TANC1: variants seen among roughly 807,000 people sequenced by gnomAD.
TANC1 encodes protein TANC1.
In TANC1, 77 loss-of-function variants were observed where a neutral mutation model predicts 149.7. The ratio of observed to expected loss-of-function variants is 0.51; its 90% confidence interval spans 0.43 to 0.62. The LOEUF is 0.62. Among genes scored for constraint, TANC1 ranks in the 20% least tolerant of loss-of-function variants. The pLI, the probability that TANC1 is intolerant of heterozygous loss-of-function variation, is 0.00. For synonymous variants in TANC1, 854 were observed against 925.0 expected, an observed-to-expected ratio of 0.92 and a Z score of 1.39; for missense variants, 1,985 against 2,321.8, an observed-to-expected ratio of 0.85 and a Z score of 2.98.
At chr2:159,104,981 CTTTTTTTTT>C (rs146778655) in intron 4 of TANC1, among the ~76,000 whole-genome samples, 4 of 43,340 alleles carry the variant, frequency 9.2e-5, no homozygotes, top group Admixed American at 2.7e-4. Flanking sequence ...TGGATATTTG[CTTTTTTTTT>C]TTTTTTTTTT....
At chr2:159,027,141 G>A (rs1412809152) in intron 2 of TANC1, 1 of 152,014 alleles carries the variant, frequency 6.6e-6, no homozygotes, top group Admixed American at 6.6e-5. Context: ...TGAGGGAAGC[G>A]TCTTTTTCAC....
chr2:159,199,255 A>G (rs866590664), intron 19 of TANC1, among the ~76,000 whole-genome samples: 5 of 152,344 alleles, frequency 3.3e-5, no homozygotes, highest in South Asian at 4.1e-4. Flanking sequence ...TTTTAAAGCA[A>G]TCCTATTAAC....
chr2:159,163,151 A>C (rs2054217742), intron 7 of TANC1, 132 bp from the exon 8 acceptor site: 3 of 881,870 alleles, frequency 3.4e-6, no homozygotes, highest in Non-Finnish European at 5.2e-6. Flanking sequence ...ATTGTATGGA[A>C]CATACTTTGA....
At chr2:159,109,998 T>A (rs1027548523) in intron 4 of TANC1, among the ~76,000 whole-genome samples, 1 of 152,184 alleles carries the variant, frequency 6.6e-6, no homozygotes, top group Admixed American at 6.5e-5. Context: ...TCCATGAAAT[T>A]ATGACAAAGG....
At chr2:159,150,228 A>G (rs2052627801) in intron 6 of TANC1, 142 bp from the exon 7 acceptor site, 11 of 637,228 alleles carry the variant, frequency 1.7e-5, no homozygotes, top group South Asian at 4.1e-5. Context: ...ATCCATATCT[A>G]TACACACATA....
intron 2 of TANC1, chr2:159,056,903 T>C (rs978749442): frequency 7.9e-6 from 2 of 252,094 alleles, no homozygotes; most frequent in East Asian, 8.6e-5. Context: ...ATAGGACATA[T>C]CCGTGAACTA....
chr2:159,116,579 A>G (rs539048582), intron 4 of TANC1, among the ~76,000 whole-genome samples: 10 of 152,208 alleles, frequency 6.6e-5, no homozygotes, highest in Non-Finnish European at 1.3e-4. Flanking sequence ...TGAGGGCCAC[A>G]CAGTCCCTGT....
intron 4 of TANC1, among the ~76,000 whole-genome samples, chr2:159,109,916 A>C (rs2047558051): frequency 6.6e-6 from 1 of 152,242 alleles, no homozygotes; most frequent in African/African-American, 2.4e-5. Flanking sequence ...GTGGAAAGGC[A>C]AAAGTTCTTG....
Position 159,178,957 on chromosome 2 carries a change from G to A in TANC1, c.2304G>A (p.Met768Ile). The A allele has an allele frequency of 6.2e-7, 1 of 1,614,162 alleles. No homozygotes were observed. Among genetic ancestry groups the A allele is most frequent in the Non-Finnish European group, 8.5e-7 (1 of 1,180,034 alleles). ...LNVALASLHP[M>I]TDEQIFQAIN... Reference sequence around the variant, plus strand: ...TGGCCCTCGCATCCCTCCACCCCATGACAGACGAGCAGATCTTTCAGGCTA... The same window carrying A: ...TGGCCCTCGCATCCCTCCACCCCATAACAGACGAGCAGATCTTTCAGGCTA... Residue 768 changes from methionine (M) to isoleucine (I), a missense_variant, in exon 14 of 27, where the codon ATG becomes ATA. Physicochemically the swap from Met to Ile is conservative, Grantham distance 10 (BLOSUM62 1). This residue lies in a region of TANC1 where 508 missense variants were observed against 714.2 expected (regional missense o/e 0.71). Transcript: ENST00000263635.
chr2:159,176,643 A>C, intron 13 of TANC1, 125 bp downstream of exon 13: 1 of 769,080 alleles, frequency 1.3e-6, no homozygotes, highest in Non-Finnish European at 2.0e-6. Context: ...TAAGAATTTG[A>C]AAAACTAGTC....
chr2:159,175,668 T>TG (rs2055773199), intron 12 of TANC1, among the ~76,000 whole-genome samples: 1 of 152,232 alleles, frequency 6.6e-6, no homozygotes, highest in Non-Finnish European at 1.5e-5. Flanking sequence ...AGTGACCTGA[T>TG]GGGCCCTTCA....
At chr2:159,045,687 T>G (rs578050573) in intron 2 of TANC1, among the ~76,000 whole-genome samples, 1 of 152,300 alleles carries the variant, frequency 6.6e-6, no homozygotes, top group East Asian at 1.9e-4. Flanking sequence ...GGAGTAAACT[T>G]ATAAACCTCT....
chr2:159,094,410 G>A (rs762067858), intron 3 of TANC1, among the ~76,000 whole-genome samples: 4 of 152,218 alleles, frequency 2.6e-5, no homozygotes, highest in Admixed American at 6.5e-5. Context: ...ATTAGGTGAC[G>A]TGATGTGGTT....
At chr2:159,034,758 G>A (rs751543912) in intron 2 of TANC1, among the ~76,000 whole-genome samples, 2 of 152,206 alleles carry the variant, frequency 1.3e-5, no homozygotes, top group Non-Finnish European at 2.9e-5. Context: ...CTATTAAATA[G>A]CAGCATTCAA....
At position 159,196,289 on chromosome 2, in the gene TANC1, C is replaced by T. The variant is rs148633721; in HGVS notation, c.2980-319C>T. ...AAGTTGGGAAATACAGGGATTTGTC[C>T]GAGGTTTTGGTCTGTGTCTCCACAC... On this transcript the variant is annotated intron_variant, in intron 17 of 26. Coordinates refer to ENST00000263635, the MANE Select transcript of TANC1 (RefSeq NM_033394.3). Among the ~76,000 whole-genome samples the T allele has an allele frequency of 3.7e-3, 564 of 152,252 alleles. 1 individual carries two copies. Among genetic ancestry groups the T allele is most frequent in the African/African-American group, 0.013 (529 of 41,536 alleles).
At chr2:159,177,580 G>A (rs1478154013) in intron 13 of TANC1, among the ~76,000 whole-genome samples, 2 of 152,178 alleles carry the variant, frequency 1.3e-5, no homozygotes, top group East Asian at 3.8e-4. Context: ...TCCATCAGTA[G>A]ATCATAGGAA....
chr2:159,210,016 A>G (rs1351072341), intron 19 of TANC1, among the ~76,000 whole-genome samples: 1 of 152,200 alleles, frequency 6.6e-6, no homozygotes, highest in Non-Finnish European at 1.5e-5. Flanking sequence ...TAAATTGCAC[A>G]TGTGAATATA....
chr2:159,129,298 A>ATC (rs1266622429), intron 4 of TANC1, among the ~76,000 whole-genome samples: 7 of 152,154 alleles, frequency 4.6e-5, no homozygotes, highest in Non-Finnish European at 8.8e-5. Context: ...TATTTCTACC[A>ATC]TCTCTTTTAA....
intron 4 of TANC1, among the ~76,000 whole-genome samples, chr2:159,105,051 G>A (rs2047038333): frequency 9.3e-6 from 1 of 107,736 alleles, no homozygotes; most frequent in African/African-American, 3.6e-5. Flanking sequence ...CTGGAGTGCA[G>A]TGGTGTGATC....
Sources: allele counts gnomAD v4.1 joint callset (sites outside exome capture counted in the v4.1 genomes callset), GRCh38; gene constraint gnomAD v4.1.1; regional missense constraint gnomAD v4.1.1; transcripts MANE v1.5; gene names NCBI Gene and HGNC (gene_info 2026-07-23, HGNC 2026-07-21).